ADARB1: variants seen among roughly 807,000 people sequenced by gnomAD.
The protein encoded by ADARB1 is double-stranded RNA-specific editase 1.
A neutral mutation model predicts 52.4 loss-of-function variants in ADARB1; 10 were observed. The ratio of observed to expected loss-of-function variants is 0.19; its 90% confidence interval spans 0.12 to 0.32. ADARB1 has a LOEUF of 0.32. Among genes scored for constraint, ADARB1 ranks in the 10% least tolerant of loss-of-function variants. ADARB1 has a pLI of 1.00. For synonymous variants in ADARB1, 349 were observed against 371.1 expected, an observed-to-expected ratio of 0.94 and a Z score of 0.68; for missense variants, 643 against 922.3, an observed-to-expected ratio of 0.70 and a Z score of 3.92.
intron 2 of ADARB1, among the ~76,000 whole-genome samples, chr21:45,150,753 G>T (rs1483462982): frequency 6.6e-6 from 1 of 152,148 alleles, no homozygotes; most frequent in Non-Finnish European, 1.5e-5. Flanking sequence ...ATGTCTCGTT[G>T]TTCCACCTGT....
Position 45,208,444 on chromosome 21 carries a change from G to A in ADARB1, c.1747+3708G>A, listed in dbSNP as rs2092705242. On this transcript the variant is annotated intron_variant, in intron 9 of 10. Coordinates refer to ENST00000348831, the MANE Select transcript of ADARB1 (RefSeq NM_001112.4). This position sits in a 1 kb window ranked among gnomAD's most constrained non-coding sequence, Gnocchi z 5.6. ...GACAGCACAGGGACCCAAGGGGGCT[G>A]GCAGCAGGCCCAGGTGTGTGGCAGG... 6.6e-6 allele frequency among the ~76,000 whole-genome samples: 1 copy of A among 152,220 alleles called. No homozygotes were observed. The highest frequency in any genetic ancestry group is 1.5e-5 in the Non-Finnish European group (1 of 68,038).
chr21:45,102,612 C>T (rs1306541848), intron 1 of ADARB1, among the ~76,000 whole-genome samples: 1 of 152,132 alleles, frequency 6.6e-6, no homozygotes, highest in African/African-American at 2.4e-5. Flanking sequence ...CAAAGGGACC[C>T]AGGAGCCAAC....
At chr21:45,189,410 T>C (rs997846287) in intron 8 of ADARB1, among the ~76,000 whole-genome samples, 1 of 152,360 alleles carries the variant, frequency 6.6e-6, no homozygotes, top group Non-Finnish European at 1.5e-5. Context: ...AATTACATCT[T>C]TATATACTGT....
At chr21:45,166,902 C>T (rs546050243) in intron 2 of ADARB1, among the ~76,000 whole-genome samples, 1 of 151,274 alleles carries the variant, frequency 6.6e-6, no homozygotes, top group South Asian at 2.1e-4. Flanking sequence ...ATTGACCATT[C>T]TTGGAATTTT....
intron 7 of ADARB1, 119 bp from the exon 8 acceptor site, chr21:45,184,804 A>G: frequency 2.7e-6 from 3 of 1,113,576 alleles, no homozygotes; most frequent in Middle Eastern, 2.3e-4. Context: ...TGGCATAAAC[A>G]TATGCATTTA....
intron 2 of ADARB1, among the ~76,000 whole-genome samples, chr21:45,129,323 A>T (rs765805387): frequency 2.0e-5 from 3 of 152,214 alleles, no homozygotes; most frequent in Non-Finnish European, 4.4e-5. Flanking sequence ...ACAAATACTA[A>T]AATCCCAGTA....
intron 1 of ADARB1, among the ~76,000 whole-genome samples, chr21:45,080,127 G>C (rs2123617003): frequency 6.6e-6 from 1 of 152,304 alleles, no homozygotes; most frequent in Middle Eastern, 3.4e-3. Flanking sequence ...GATAGGTTTG[G>C]AGTGGTGGGG....
Position 45,126,524 on chromosome 21 carries a change from A to T in ADARB1, c.-219-1878A>T, listed in dbSNP as rs898700069. Among the ~76,000 whole-genome samples the T allele has an allele frequency of 3.3e-5, 5 of 152,120 alleles. No homozygotes were observed. In the South Asian group the frequency reaches 8.3e-4, roughly 25 times the overall value. On this transcript the variant is annotated intron_variant, in intron 1 of 10. Coordinates refer to ENST00000348831, the MANE Select transcript of ADARB1 (RefSeq NM_001112.4). ...CACTCTACATCTGTTCCTCCATTTA[A>T]TCCTCACGGCACCATCTGCGGCGGG...
intron 1 of ADARB1, among the ~76,000 whole-genome samples, chr21:45,091,705 C>T (rs1032039293): frequency 2.0e-5 from 3 of 152,180 alleles, no homozygotes; most frequent in Non-Finnish European, 4.4e-5. Context: ...CATGTTTGCT[C>T]ATGCTCTGGT....
Position 45,224,495 on chromosome 21 carries a change from G to GT in ADARB1, c.*2299dup. 1 of 1,031,764 alleles carries GT rather than the reference G, an allele frequency of 9.7e-7. No homozygotes were observed. Among genetic ancestry groups the GT allele is most frequent in the Non-Finnish European group, 1.2e-6 (1 of 861,688 alleles). The allele number at this position is 1,031,764 out of a possible 1,614,324, so 63.9% of individuals were successfully genotyped here. On this transcript the variant is annotated 3_prime_UTR_variant, in exon 11 of 11. Coordinates refer to ENST00000348831, the MANE Select transcript of ADARB1 (RefSeq NM_001112.4). ...GGCAACTGGGTTCTGGGAGCCCTGG[G>GT]TGGGGCAGCTGTGGGGAGGAACTGG...
chr21:45,222,590 A>G lies in ADARB1; in HGVS notation c.*393A>G, dbSNP rs1602085866. On this transcript the variant is annotated 3_prime_UTR_variant, in exon 11 of 11. Transcript: ENST00000348831. ...ATAAATAATTTATTCAGAGCTAGGAATGTGGTTTATAAAATAGGAAGTAAT... is the reference window on the plus strand; with the variant it reads ...ATAAATAATTTATTCAGAGCTAGGAGTGTGGTTTATAAAATAGGAAGTAAT... 2 of 1,011,670 alleles carry G rather than the reference A, an allele frequency of 2.0e-6. No individual in the cohort carries two copies. Among genetic ancestry groups the G allele is most frequent in the Non-Finnish European group, 2.4e-6 (2 of 847,566 alleles). The allele number at this position is 1,011,670 out of a possible 1,614,324, so 62.7% of individuals were successfully genotyped here.
chr21:45,134,474 G>A (rs1392823988), intron 2 of ADARB1, among the ~76,000 whole-genome samples: 1 of 151,776 alleles, frequency 6.6e-6, no homozygotes, highest in Non-Finnish European at 1.5e-5. Context: ...GTGTGTGAGC[G>A]CCCGGCAGGG....
intron 4 of ADARB1, among the ~76,000 whole-genome samples, chr21:45,178,058 A>G (rs2091772241): frequency 6.6e-6 from 1 of 152,154 alleles, no homozygotes; most frequent in Non-Finnish European, 1.5e-5. Context: ...ATATTGTCTG[A>G]TGTGACTTGT....
chr21:45,176,800 T>C lies in ADARB1; in HGVS notation c.963+136T>C, dbSNP rs2091713528. The C allele has an allele frequency of 9.8e-7, 1 of 1,023,270 alleles. No homozygotes were observed. The highest frequency in any genetic ancestry group is 1.4e-6 in the Non-Finnish European group (1 of 724,330). 63.4% of individuals were successfully genotyped at this position (1,023,270 alleles called of 1,614,324 possible). ...TGTCCCCACCAGGAGGAGTTACTGG[T>C]AAGTCTGGCTGCTTGATTTCCATGG... On this transcript the variant is annotated intron_variant, in intron 4 of 10. Transcript: ENST00000348831. This position sits in a 1 kb window ranked among gnomAD's most constrained non-coding sequence, Gnocchi z 5.8.
intron 2 of ADARB1, among the ~76,000 whole-genome samples, chr21:45,140,825 A>G (rs2089682155): frequency 1.3e-5 from 2 of 152,220 alleles, no homozygotes; most frequent in African/African-American, 4.8e-5. Flanking sequence ...TATAAATTTG[A>G]TATAATAAAT....
chr21:45,166,999 A>G (rs1323647301), intron 2 of ADARB1, among the ~76,000 whole-genome samples: 3 of 152,148 alleles, frequency 2.0e-5, no homozygotes, highest in Non-Finnish European at 4.4e-5. Context: ...GGGAAGAAAA[A>G]ATAGCTCTGT....
At chr21:45,111,265 T>G (rs1298908627) in intron 1 of ADARB1, among the ~76,000 whole-genome samples, 1 of 152,244 alleles carries the variant, frequency 6.6e-6, no homozygotes, top group Non-Finnish European at 1.5e-5. Context: ...CCTGTTTGTT[T>G]GGGCGTGCCT....
chr21:45,196,777 A>G (rs957990591), intron 8 of ADARB1, among the ~76,000 whole-genome samples: 2 of 152,252 alleles, frequency 1.3e-5, no homozygotes, highest in South Asian at 4.1e-4. Flanking sequence ...AGATGCCACA[A>G]CACATCTCTT....
chr21:45,135,744 G>C (rs1326486875), intron 2 of ADARB1, among the ~76,000 whole-genome samples: 3 of 151,942 alleles, frequency 2.0e-5, no homozygotes, highest in Non-Finnish European at 4.4e-5. Context: ...AGAAAAATTG[G>C]AAAAAAAACA....
Sources: gnomAD v4.1 joint callset for allele counts (sites outside exome capture counted in the v4.1 genomes callset) on GRCh38, gnomAD v4.1.1 for gene constraint, Gnocchi (gnomAD v3.1) non-coding constraint, MANE v1.5 for transcripts, NCBI Gene and HGNC (gene_info 2026-07-23, HGNC 2026-07-21) for gene names.